Variants in LRRFIP2 observed in about 807,000 individuals in gnomAD.
The protein encoded by LRRFIP2 is leucine-rich repeat flightless-interacting protein 2.
Under a neutral mutation model 125.9 loss-of-function variants are expected in LRRFIP2, and 109 were observed. The observed-to-expected ratio is 0.87, with a 90% confidence interval of 0.74 to 1.01. The LOEUF is 1.01. Ranked by LOEUF, LRRFIP2 falls within the 50% of genes least tolerant of loss-of-function variation. The pLI, the probability that LRRFIP2 is intolerant of heterozygous loss-of-function variation, is 0.00. For synonymous variants in LRRFIP2, 291 were observed against 293.1 expected (o/e 0.99, Z 0.07); for missense variants, 850 against 862.3 (o/e 0.99, Z 0.18).
chr3:37,099,457 C>T (rs1258870771), intron 15 of LRRFIP2, among the ~76,000 whole-genome samples: 2 of 152,076 alleles, frequency 1.3e-5, no homozygotes, highest in East Asian at 1.9e-4. Flanking sequence ...AAAGTATTTA[C>T]AGTGTAGTTT....
At chr3:37,131,873 CAG>C (rs2095435990) in intron 2 of LRRFIP2, among the ~76,000 whole-genome samples, 1 of 152,120 alleles carries the variant, frequency 6.6e-6, no homozygotes, top group Admixed American at 6.5e-5. Context: ...TTCTAAGAAG[CAG>C]AGAGAGTTAA....
At chr3:37,084,500 A>T (rs1469611603) in intron 18 of LRRFIP2, among the ~76,000 whole-genome samples, 1 of 149,990 alleles carries the variant, frequency 6.7e-6, no homozygotes, top group Non-Finnish European at 1.5e-5. Context: ...TGTCTCTGTA[A>T]AAAAAAAAGT....
chr3:37,076,466 T>C (rs1012598745), intron 19 of LRRFIP2, among the ~76,000 whole-genome samples: 2 of 152,070 alleles, frequency 1.3e-5, no homozygotes, highest in Non-Finnish European at 2.9e-5. Context: ...AGGTCAAGGC[T>C]ATAGTGAGCC....
intron 2 of LRRFIP2, among the ~76,000 whole-genome samples, chr3:37,140,101 GT>G: frequency 6.6e-6 from 1 of 152,152 alleles, no homozygotes; most frequent in East Asian, 1.9e-4. Flanking sequence ...GTGTCTCCTG[GT>G]TTTCCTCTTT....
chr3:37,164,716 G>T (rs1175941172), intron 1 of LRRFIP2, among the ~76,000 whole-genome samples: 2 of 144,810 alleles, frequency 1.4e-5, no homozygotes, highest in Non-Finnish European at 3.0e-5. Context: ...AAAAGACTCC[G>T]TCTCAAAAAA....
At chr3:37,137,268 A>G (rs2095582175) in intron 2 of LRRFIP2, among the ~76,000 whole-genome samples, 1 of 152,072 alleles carries the variant, frequency 6.6e-6, no homozygotes, top group African/African-American at 2.4e-5. Flanking sequence ...GTGAGCCACC[A>G]CACCTGGCCT....
intron 2 of LRRFIP2, 94 bp downstream of exon 2, chr3:37,148,800 A>T: frequency 7.5e-7 from 1 of 1,325,722 alleles, no homozygotes; most frequent in Non-Finnish European, 1.1e-6. Flanking sequence ...ATCTGAAACT[A>T]GTTCAATGAG....
intron 19 of LRRFIP2, among the ~76,000 whole-genome samples, chr3:37,077,304 A>C (rs745751424): frequency 5.0e-4 from 76 of 152,212 alleles, no homozygotes; most frequent in Non-Finnish European, 8.7e-4. Context: ...GAACTGGTAG[A>C]ATAAAGTGTG....
At chr3:37,173,495 C>A (rs1023419878) in intron 1 of LRRFIP2, among the ~76,000 whole-genome samples, 1 of 152,158 alleles carries the variant, frequency 6.6e-6, no homozygotes. Context: ...TCTTTATTTG[C>A]AGACTGAACA....
At chr3:37,135,120 C>A in intron 2 of LRRFIP2, 3 of 1,264,406 alleles carry the variant, frequency 2.4e-6, no homozygotes, top group Non-Finnish European at 1.1e-6. Context: ...ACCTTAAAGT[C>A]AGAATAACCT....
chr3:37,109,601 A>G, intron 10 of LRRFIP2, 30 bp from the exon 11 acceptor site: 1 of 1,614,078 alleles, frequency 6.2e-7, no homozygotes, highest in East Asian at 2.2e-5. Flanking sequence ...TTAAACCCCA[A>G]AAAAAGCAAC....
chr3:37,062,169 A>C (rs1575834023), intron 24 of LRRFIP2, among the ~76,000 whole-genome samples: 1 of 152,242 alleles, frequency 6.6e-6, no homozygotes, highest in East Asian at 1.9e-4. Context: ...TGCTGTAAGT[A>C]GCCAGAGAAA....
intron 1 of LRRFIP2, among the ~76,000 whole-genome samples, chr3:37,170,107 T>C (rs2096565097): frequency 6.6e-6 from 1 of 152,230 alleles, no homozygotes; most frequent in African/African-American, 2.4e-5. Flanking sequence ...CTCATCATCA[T>C]AAATGTGAAC....
intron 2 of LRRFIP2, chr3:37,134,619 A>T (rs2095511581): frequency 1.7e-6 from 1 of 583,880 alleles, no homozygotes; most frequent in African/African-American, 1.9e-5. Flanking sequence ...TTTTGAGCAC[A>T]TACCGAGAGA....
chr3:37,065,408 G>A (rs957846684), intron 23 of LRRFIP2: 18 of 361,728 alleles, frequency 5.0e-5, no homozygotes, highest in Non-Finnish European at 9.3e-5. Context: ...CAGAACCCTG[G>A]GGTAAGCAGT....
At position 37,094,801 on chromosome 3, in the gene LRRFIP2, A is replaced by T; in HGVS notation, c.1026T>A (p.Ser342Arg). 1.2e-6 allele frequency: 2 copies of T among 1,611,574 alleles called. No homozygotes were observed. Among genetic ancestry groups the T allele is most frequent in the Non-Finnish European group, 1.7e-6 (2 of 1,177,964 alleles). Reference protein sequence around the residue: ...SSLIDPDTSLSELRDIYDLKD... With the variant: ...SSLIDPDTSLRELRDIYDLKD... ...AAAAACTTCAGTTTACCCGCAATTCACTTAATGAAGTGTCTGGATCTATTA... is the reference window on the plus strand; with the variant it reads ...AAAAACTTCAGTTTACCCGCAATTCTCTTAATGAAGTGTCTGGATCTATTA... Residue 342 changes from serine (S) to arginine (R), a missense_variant, in exon 17 of 28, where the codon AGT becomes AGA. Transcript: ENST00000336686.
intron 14 of LRRFIP2, 66 bp from the exon 15 acceptor site, chr3:37,103,079 A>G (rs2094152957): frequency 7.9e-7 from 1 of 1,259,388 alleles, no homozygotes; most frequent in Non-Finnish European, 1.1e-6. Context: ...AAATAAGAAC[A>G]TTGGCCAATT....
rs1473042362 is a variant in LRRFIP2 at position 37,134,789 on chromosome 3, A to C, written c.91-5640T>G. 41 of 814,146 alleles carry C rather than the reference A, an allele frequency of 5.0e-5. No individual in the cohort carries two copies. The East Asian group carries it at 1.1e-3, about 21-fold the overall frequency. The allele number at this position is 814,146 out of a possible 1,614,324, so 50.4% of individuals were successfully genotyped here. On this transcript the variant is annotated intron_variant, in intron 2 of 27. Coordinates refer to ENST00000336686, the MANE Select transcript of LRRFIP2 (RefSeq NM_006309.4). ...CAATTATGGGACCTAATGACAGCCCATATCAAAGCGGTGTATTCTTTTTGG... is the reference window on the plus strand; with the variant it reads ...CAATTATGGGACCTAATGACAGCCCCTATCAAAGCGGTGTATTCTTTTTGG...
chr3:37,085,522 A>AAAAC (rs926694903), intron 18 of LRRFIP2, among the ~76,000 whole-genome samples: 1 of 151,984 alleles, frequency 6.6e-6, no homozygotes, highest in Non-Finnish European at 1.5e-5. Flanking sequence ...CCATGTCTCA[A>AAAAC]AAACAAACAA....
Sources: gnomAD v4.1 joint callset for allele counts (sites outside exome capture counted in the v4.1 genomes callset) on GRCh38, gnomAD v4.1.1 for gene constraint, MANE v1.5 for transcripts, NCBI Gene and HGNC (gene_info 2026-07-23, HGNC 2026-07-21) for gene names.